PFKP: variants seen among roughly 807,000 people sequenced by gnomAD.
PFKP encodes phosphofructokinase, platelet, also known as ATP-dependent 6-phosphofructokinase, platelet type.
PFKP carries 101 observed loss-of-function variants against 94.3 expected under a neutral mutation model. The observed-to-expected ratio is 1.07, with a 90% confidence interval of 0.91 to 1.26. PFKP has a LOEUF of 1.26. PFKP is among the 50% of genes most tolerant of loss of function. The probability of loss-of-function intolerance (pLI) is 0.00; values close to 1 mark genes in which losing one functional copy is unlikely to be tolerated. For synonymous variants in PFKP, 573 were observed against 432.6 expected, an observed-to-expected ratio of 1.32 and a Z score of -4.03; for missense variants, 1,145 against 1,103.3, an observed-to-expected ratio of 1.04 and a Z score of -0.53.
At position 3,119,939 on chromosome 10, in the gene PFKP, G is replaced by A; in HGVS notation, c.1578G>A (p.Glu526=). 2 of 1,614,154 alleles carry A rather than the reference G, an allele frequency of 1.2e-6. No individual in the cohort carries two copies. Among genetic ancestry groups the A allele is most frequent in the East Asian group, 2.2e-5 (1 of 44,862 alleles). The change falls in exon 16 of 22, where the codon GAG becomes GAA. Residue 526 remains glutamate (E), a synonymous_variant. Coordinates refer to ENST00000381125, the MANE Select transcript of PFKP (RefSeq NM_002627.5). The part of the protein sequence containing the change: ...LELSAAREKH[E]EFCVPMVMVP... ...TGTCAGCCGCCCGGGAGAAGCACGA[G>A]GAGTTCTGTGTCCCCATGGTCATGG...
rs1838802364 is a variant in PFKP at position 3,133,232 on chromosome 10, C to T, written c.1940C>T (p.Thr647Ile). The T allele has an allele frequency of 1.9e-6, 3 of 1,613,886 alleles. No individual in the cohort carries two copies. The highest frequency in any genetic ancestry group is 1.3e-5 in the African/African-American group (1 of 74,914). ...RNESCSENYT[T>I]DFIYQLYSEE... ...GAGAGCTGCAGTGAAAACTACACCA[C>T]CGACTTCATTTACCAGCTGTATTCA... Residue 647 changes from threonine to isoleucine, a missense_variant, in exon 19 of 22, where the codon ACC (threonine) becomes ATC (isoleucine). Transcript: ENST00000381125.
At chr10:3,086,795 C>T (rs1440829454) in intron 2 of PFKP, among the ~76,000 whole-genome samples, 3 of 151,964 alleles carry the variant, frequency 2.0e-5, no homozygotes, top group Non-Finnish European at 4.4e-5. Flanking sequence ...GTTTTTGTGG[C>T]GATTGTCGGG....
intron 11 of PFKP, 107 bp from the exon 12 acceptor site, chr10:3,113,012 C>A: frequency 3.1e-6 from 3 of 975,730 alleles, no homozygotes; most frequent in South Asian, 1.5e-5. Context: ...CCCAGATAGT[C>A]GGGCAGACAC....
At chr10:3,093,695 G>C (rs949274446) in intron 2 of PFKP, among the ~76,000 whole-genome samples, 1 of 143,972 alleles carries the variant, frequency 6.9e-6, no homozygotes, top group South Asian at 2.2e-4. Context: ...CCAGGCTGGA[G>C]TGCAGTGGCG....
At chr10:3,124,990 C>A in intron 16 of PFKP, 1 of 931,444 alleles carries the variant, frequency 1.1e-6, no homozygotes, top group Non-Finnish European at 1.4e-6. Flanking sequence ...CCGGCTTCCC[C>A]TGGTGACTCA....
chr10:3,117,811 G>A lies in PFKP; in HGVS notation c.1442+965G>A, dbSNP rs142790943. ...TTGCTCTCGAACGTAGAGAGGACTC[G>A]CTGGCTGTTGTGGGCTCGTCCTGAA... On this transcript the variant is annotated intron_variant, in intron 14 of 21. Transcript: ENST00000381125. Among the ~76,000 whole-genome samples the A allele has an allele frequency of 9.8e-4, 149 of 152,336 alleles. 1 individual carries two copies. Among genetic ancestry groups the A allele is most frequent in the African/African-American group, 1.7e-3 (72 of 41,578 alleles).
At chr10:3,119,770 T>G in intron 15 of PFKP, 122 bp from the exon 16 acceptor site, 3 of 593,956 alleles carry the variant, frequency 5.1e-6, no homozygotes, top group East Asian at 3.1e-5. Context: ...CGGAGTGTTT[T>G]CGTGATGCCC....
chr10:3,095,895 C>T (rs745790035), intron 2 of PFKP, among the ~76,000 whole-genome samples: 2 of 152,220 alleles, frequency 1.3e-5, no homozygotes, highest in Admixed American at 6.5e-5. Flanking sequence ...AGCAACTTAG[C>T]TCACGCATGC....
At chr10:3,130,040 G>A (rs1339494400) in intron 17 of PFKP, 57 bp downstream of exon 17, 2 of 1,462,880 alleles carry the variant, frequency 1.4e-6, no homozygotes, top group East Asian at 2.3e-5. Flanking sequence ...GGGTGCTGCG[G>A]AGTGAATCAT....
rs763596409 is a variant in PFKP, at chr10:3,109,345, T to G, written c.964-10T>G. 8.1e-6 allele frequency: 13 copies of G among 1,608,378 alleles called. No homozygotes were observed. The highest frequency in any genetic ancestry group is 1.1e-5 in the South Asian group (1 of 91,088). ...AGGCTGCCCCTGACCCACATGGACC[T>G]GGTTTCCAGGCCAGCCGCATGGGAG... On this transcript the variant is annotated splice_polypyrimidine_tract_variant and intron_variant, in intron 9 of 21. Coordinates refer to ENST00000381125, the MANE Select transcript of PFKP (RefSeq NM_002627.5).
At position 3,112,266 on chromosome 10, in the gene PFKP, T is replaced by G. The variant is rs760810623; in HGVS notation, c.1134T>G (p.Asp378Glu). The change falls in exon 11 of 22, where the codon GAT becomes GAG. Residue 378 changes from aspartate (D) to glutamate (E), a missense_variant. By Grantham distance (45) the Asp-to-Glu change is conservative. This residue lies in a region of PFKP where 1,119 missense variants were observed against 1,062.8 expected (regional missense o/e 1.05). Coordinates refer to ENST00000381125, the MANE Select transcript of PFKP (RefSeq NM_002627.5). The part of the protein sequence containing the change: ...QKAMDERRFQ[D>E]AVRLRGRSFA... ...CGATGGACGAGAGGAGATTTCAAGA[T>G]GCGGTTCGACTCCGAGGGAGGTGAG... 1.2e-6 allele frequency: 2 copies of G among 1,613,736 alleles called. No homozygotes were observed. The highest frequency in any genetic ancestry group is 1.7e-5 in the Admixed American group (1 of 60,002).
intron 18 of PFKP, 130 bp from the exon 19 acceptor site, chr10:3,133,073 C>A: frequency 2.8e-6 from 2 of 710,450 alleles, no homozygotes; most frequent in Non-Finnish European, 5.1e-6. Context: ...ACTGGAGGGA[C>A]TGGTGTTGAT....
chr10:3,108,099 G>A lies in PFKP; in HGVS notation c.871-602G>A, dbSNP rs1378484913. 12 of 1,023,504 alleles carry A rather than the reference G, an allele frequency of 1.2e-5. No individual in the cohort carries two copies. The African/African-American group carries it at 1.5e-4, about 13-fold the overall frequency. 63.4% of individuals were successfully genotyped at this position (1,023,504 alleles called of 1,614,324 possible). The stretch of plus-strand genomic sequence containing the variant: ...ATATTTATAAGTGGTCATCCATAAA[G>A]TCCAGGCAAAGATTTTATTTCCCGC... On this transcript the variant is annotated intron_variant, in intron 8 of 21. Transcript: ENST00000381125.
intron 2 of PFKP, among the ~76,000 whole-genome samples, chr10:3,098,894 C>T (rs17131897): frequency 0.074 from 11,197 of 152,202 alleles, 736 homozygotes; most frequent in East Asian, 0.28. Context: ...ATGTATGTCC[C>T]GTGCTCGACA....
At chr10:3,131,536 A>G (rs2131719969) in intron 17 of PFKP, among the ~76,000 whole-genome samples, 1 of 152,262 alleles carries the variant, frequency 6.6e-6, no homozygotes, top group South Asian at 2.1e-4. Flanking sequence ...GGCTCACTGC[A>G]ACTTCCGCCT....
chr10:3,069,635 T>G (rs1225581405), intron 1 of PFKP, among the ~76,000 whole-genome samples: 1 of 151,924 alleles, frequency 6.6e-6, no homozygotes, highest in Admixed American at 6.6e-5. Flanking sequence ...GTCATCCCAG[T>G]GCTTTGGGAG....
chr10:3,112,975 A>G (rs1836404251), intron 11 of PFKP, 144 bp from the exon 12 acceptor site: 5 of 727,994 alleles, frequency 6.9e-6, no homozygotes, highest in East Asian at 5.4e-5. Context: ...TGCCATGCAC[A>G]TGGAACCCTG....
In PFKP at chr10:3,136,574, G is replaced by A. The variant is rs149329215; in HGVS notation, c.2350G>A (p.Val784Ile). The A allele has an allele frequency of 2.3e-4, 365 of 1,612,862 alleles. No individual in the cohort carries two copies. The highest frequency in any genetic ancestry group is 3.1e-4 in the Non-Finnish European group (360 of 1,179,412). The part of the protein sequence containing the change: ...GQLEHVQPWS[V>I] ...GCTGGAACATGTGCAGCCCTGGAGT[G>A]TCTGACCCAGTCCCGCCTGCATGTG... Residue 784 changes from valine to isoleucine, a missense_variant, in exon 22 of 22, where the codon GTC becomes ATC. Around this residue, in one of 3 missense-constraint regions of PFKP, gnomAD observed 20 missense variants for 19.6 expected, o/e 1.02. Coordinates refer to ENST00000381125, the MANE Select transcript of PFKP (RefSeq NM_002627.5).
At chr10:3,075,594 C>T (rs991807153) in intron 1 of PFKP, among the ~76,000 whole-genome samples, 2 of 143,934 alleles carry the variant, frequency 1.4e-5, no homozygotes, top group Non-Finnish European at 3.0e-5. Flanking sequence ...TAAAGAAAGG[C>T]GGGGCAGGGG....
Sources: gnomAD v4.1 joint callset for allele counts (sites outside exome capture counted in the v4.1 genomes callset) on GRCh38, gnomAD v4.1.1 for gene constraint, gnomAD v4.1.1 regional missense constraint, MANE v1.5 for transcripts, NCBI Gene and HGNC (gene_info 2026-07-23, HGNC 2026-07-21) for gene names.